VPS53: variants seen among roughly 807,000 people sequenced by gnomAD.
VPS53 encodes VPS53 subunit of GARP complex, also known as vacuolar protein sorting-associated protein 53 homolog.
In VPS53, 70 loss-of-function variants were observed where a neutral mutation model predicts 107.0. The observed-to-expected ratio is 0.65, with a 90% CI of 0.54 to 0.80. VPS53 has a LOEUF of 0.80. Among genes scored for constraint, VPS53 ranks in the 30% least tolerant of loss-of-function variants. The pLI is 0.00. For missense variants in VPS53, 917 were observed against 1,049.4 expected (o/e 0.87, Z 1.74); for synonymous variants, 409 against 393.3 (o/e 1.04, Z -0.47).
At chr17:566,548 G>C (rs1189450747) in intron 13 of VPS53, among the ~76,000 whole-genome samples, 3 of 152,112 alleles carry the variant, frequency 2.0e-5, no homozygotes, top group Non-Finnish European at 4.4e-5. Flanking sequence ...TCCACACTTT[G>C]TTCCTAGGGG....
At chr17:522,070 A>G (rs535934937) in intron 19 of VPS53, among the ~76,000 whole-genome samples, 19 of 152,256 alleles carry the variant, frequency 1.2e-4, no homozygotes, top group South Asian at 8.3e-4. Context: ...CCTGGGCAAC[A>G]TGGCAAAACC....
At chr17:615,086 T>C (rs1046947123) in intron 11 of VPS53, among the ~76,000 whole-genome samples, 3 of 152,224 alleles carry the variant, frequency 2.0e-5, no homozygotes, top group African/African-American at 4.8e-5. Flanking sequence ...TAATAATGCA[T>C]ATGGATCCAG....
At chr17:532,993 T>G in intron 18 of VPS53, 82 bp from the exon 19 acceptor site, 4 of 1,523,860 alleles carry the variant, frequency 2.6e-6, no homozygotes, top group Non-Finnish European at 3.5e-6. Context: ...TCCACGTATC[T>G]CCATGAAAAA....
chr17:589,929 T>C (rs1597349504), intron 12 of VPS53, among the ~76,000 whole-genome samples: 1 of 152,190 alleles, frequency 6.6e-6, no homozygotes, highest in East Asian at 1.9e-4. Context: ...CATTGGTAGC[T>C]TGATGGGGAT....
In VPS53 at chr17:699,373, G is replaced by T; in HGVS notation, c.176C>A (p.Ala59Glu). ...NTLFPTEQSL[A>E]NIDEVVNKIR... ...TTTGTTCACGACTTCGTCTATGTTC[G>T]CCAGAGACTACAATAAAGAAGGAAG... The change falls in exon 3 of 22, where the codon GCG becomes GAG. Residue 59 changes from alanine (A) to glutamate (E), a missense_variant. Transcript: ENST00000437048. 3 of 1,563,760 alleles carry T rather than the reference G, an allele frequency of 1.9e-6. No individual in the cohort carries two copies. Among genetic ancestry groups the T allele is most frequent in the Non-Finnish European group, 1.7e-6 (2 of 1,159,348 alleles).
chr17:697,263 G>A (rs1183049604), intron 4 of VPS53, among the ~76,000 whole-genome samples, 155 bp downstream of exon 4: 2 of 152,226 alleles, frequency 1.3e-5, no homozygotes, highest in African/African-American at 2.4e-5. Context: ...GGGACAGCAC[G>A]TGGCTGCTGT....
At chr17:647,166 ATTCTT>A (rs1356104522) in intron 7 of VPS53, among the ~76,000 whole-genome samples, 1 of 152,106 alleles carries the variant, frequency 6.6e-6, no homozygotes, top group Non-Finnish European at 1.5e-5. Flanking sequence ...GATCCCACCC[ATTCTT>A]TTAAGATTCA....
chr17:696,598 A>G (rs1480304123), intron 4 of VPS53, among the ~76,000 whole-genome samples: 25 of 152,158 alleles, frequency 1.6e-4, no homozygotes, highest in Admixed American at 1.6e-3. Context: ...ACGATGCCTC[A>G]ACAGAAGAAC....
chr17:637,173 C>A (rs1469979031), intron 7 of VPS53, among the ~76,000 whole-genome samples: 2 of 152,116 alleles, frequency 1.3e-5, no homozygotes. Context: ...GGAATTTATC[C>A]ATTTCTTCTA....
intron 2 of VPS53, among the ~76,000 whole-genome samples, chr17:703,258 G>A (rs1218666309): frequency 6.6e-6 from 1 of 152,150 alleles, no homozygotes; most frequent in Non-Finnish European, 1.5e-5. Context: ...TGCTTTGCCT[G>A]AAGCTGCAGA....
chr17:557,149 C>T (rs998327223), intron 15 of VPS53, among the ~76,000 whole-genome samples: 3 of 152,122 alleles, frequency 2.0e-5, no homozygotes, highest in African/African-American at 7.2e-5. Context: ...CACCGCGCCC[C>T]CACTCTTCTG....
At chr17:522,507 A>C (rs1908832933) in intron 19 of VPS53, among the ~76,000 whole-genome samples, 1 of 152,264 alleles carries the variant, frequency 6.6e-6, no homozygotes, top group Non-Finnish European at 1.5e-5. Context: ...GTGGTTGTGT[A>C]AACTTTAAGA....
intron 4 of VPS53, 55 bp downstream of exon 4, chr17:697,363 G>T: frequency 6.9e-7 from 1 of 1,449,068 alleles, no homozygotes; most frequent in Non-Finnish European, 9.7e-7. Context: ...TTGGTCATCT[G>T]GTTGCCGGGA....
chr17:710,687 T>C, intron 1 of VPS53, 74 bp from the exon 2 acceptor site: 6 of 1,266,578 alleles, frequency 4.7e-6, no homozygotes, highest in Non-Finnish European at 6.7e-6. Context: ...ATTTGTCAAT[T>C]AAAAGGAAAG....
rs150380906 is a variant in VPS53 at position 585,349 on chromosome 17, T to C, written c.1313+921A>G. ...ACCTGGCCAGTACACACTGAGGTCG[T>C]GAAAGACAAAGAAAACTTGAGGAAT... is the stretch of plus-strand genomic sequence containing the variant. On this transcript the variant is annotated intron_variant, in intron 13 of 21. Transcript: ENST00000437048. Among the ~76,000 whole-genome samples the C allele has an allele frequency of 2.2e-3, 336 of 152,212 alleles. 1 individual carries two copies. Among genetic ancestry groups the C allele is most frequent in the African/African-American group, 7.7e-3 (322 of 41,552 alleles).
chr17:536,822 A>G (rs1910110379), intron 18 of VPS53: 1 of 582,770 alleles, frequency 1.7e-6, no homozygotes, highest in East Asian at 3.1e-5. Flanking sequence ...TGACGTGTTG[A>G]TGCAGGTTCA....
chr17:643,417 C>G (rs566565357), intron 7 of VPS53, among the ~76,000 whole-genome samples: 1 of 148,404 alleles, frequency 6.7e-6, no homozygotes, highest in Admixed American at 6.7e-5. Flanking sequence ...ACTTGGAAAG[C>G]GAGGACAACA....
chr17:708,562 G>A (rs1973504854), intron 2 of VPS53, among the ~76,000 whole-genome samples: 1 of 152,186 alleles, frequency 6.6e-6, no homozygotes, highest in South Asian at 2.1e-4. Flanking sequence ...ACTGTGGGCA[G>A]GCCTGGGGAA....
intron 12 of VPS53, among the ~76,000 whole-genome samples, chr17:590,389 C>T (rs1688693041): frequency 6.6e-6 from 1 of 151,892 alleles, no homozygotes. Flanking sequence ...TGCCTAATTG[C>T]CCTGGCCAGA....
Sources: gnomAD v4.1 joint callset for allele counts (sites outside exome capture counted in the v4.1 genomes callset) on GRCh38, gnomAD v4.1.1 for gene constraint, MANE v1.5 for transcripts, NCBI Gene and HGNC (gene_info 2026-07-23, HGNC 2026-07-21) for gene names.